The following AUTS2 variants were observed in gnomAD, a reference collection of about 807,000 sequenced individuals.
AUTS2 encodes activator of transcription and developmental regulator AUTS2, also known as autism susceptibility gene 2 protein.
In AUTS2, 17 loss-of-function variants were observed where a neutral mutation model predicts 112.4. The ratio of observed to expected loss-of-function variants is 0.15; its 90% CI spans 0.10 to 0.23. The LOEUF (loss-of-function observed/expected upper bound fraction) is 0.23, where lower values mean the gene tolerates loss of function less well. Among genes scored for constraint, AUTS2 ranks in the 10% least tolerant of loss-of-function variants. The pLI, the probability that AUTS2 is intolerant of heterozygous loss-of-function variation, is 1.00. For missense variants in AUTS2, 1,510 were observed against 1,701.6 expected, an observed-to-expected ratio of 0.89 and a Z score of 1.98; for synonymous variants, 751 against 702.7, an observed-to-expected ratio of 1.07 and a Z score of -1.09.
At chr7:70,145,923 A>G (rs913495156) in intron 4 of AUTS2, among the ~76,000 whole-genome samples, 2 of 152,130 alleles carry the variant, frequency 1.3e-5, no homozygotes, top group African/African-American at 2.4e-5. Context: ...ACACGTTTAG[A>G]GACTGCTTTT....
At chr7:70,015,704 A>G (rs939194770) in intron 2 of AUTS2, among the ~76,000 whole-genome samples, 8 of 152,152 alleles carry the variant, frequency 5.3e-5, no homozygotes, top group African/African-American at 1.9e-4. Context: ...AATTATCTGT[A>G]TCTCCTTTTA....
chr7:70,313,688 C>A (rs777466591), intron 4 of AUTS2, among the ~76,000 whole-genome samples: 54 of 152,182 alleles, frequency 3.5e-4, no homozygotes, highest in Admixed American at 9.2e-4. Flanking sequence ...CCATCAGCCA[C>A]GGACCCGCCG....
chr7:69,858,453 C>T (rs1792832691), intron 1 of AUTS2, among the ~76,000 whole-genome samples: 1 of 152,174 alleles, frequency 6.6e-6, no homozygotes, highest in African/African-American at 2.4e-5. Context: ...TGGTCCTCCT[C>T]TATTGTAAAG....
chr7:69,765,874 G>A (rs1404424580), intron 1 of AUTS2, among the ~76,000 whole-genome samples: 1 of 152,164 alleles, frequency 6.6e-6, no homozygotes, highest in African/African-American at 2.4e-5. Flanking sequence ...TTGAGCCCAG[G>A]AGGACAAGGC....
At chr7:69,986,564 A>G (rs1168650943) in intron 2 of AUTS2, among the ~76,000 whole-genome samples, 3 of 152,216 alleles carry the variant, frequency 2.0e-5, no homozygotes, top group East Asian at 1.9e-4. Context: ...GCCAAAGGCC[A>G]CTGTAAACTT....
At chr7:70,118,471 A>G in intron 3 of AUTS2, 1 of 421,160 alleles carries the variant, frequency 2.4e-6, no homozygotes, top group Non-Finnish European at 4.0e-6. Flanking sequence ...GGTAGGAGGA[A>G]CTATTTGTTA....
chr7:70,276,651 T>A (rs1396474457), intron 4 of AUTS2, among the ~76,000 whole-genome samples: 1 of 152,190 alleles, frequency 6.6e-6, no homozygotes, highest in African/African-American at 2.4e-5. Flanking sequence ...GGTGCTGGGA[T>A]TACAGGTGTG....
intron 5 of AUTS2, among the ~76,000 whole-genome samples, chr7:70,636,059 T>C (rs1805518737): frequency 6.6e-6 from 1 of 152,202 alleles, no homozygotes; most frequent in Non-Finnish European, 1.5e-5. Context: ...TTTGGCCAAG[T>C]AGATGTGGGC....
rs1202548716 is a variant in AUTS2 at position 70,681,142 on chromosome 7, A to C, written c.691-17427A>C. 7.8e-4 allele frequency among the ~76,000 whole-genome samples: 118 copies of C among 152,144 alleles called. 3 individuals carry two copies. The highest frequency in any genetic ancestry group is 4.4e-5 in the Non-Finnish European group (3 of 68,022). On this transcript the variant is annotated intron_variant, in intron 5 of 18. Coordinates refer to ENST00000342771, the MANE Select transcript of AUTS2 (RefSeq NM_015570.4). ...TGTTCCAGGGAGGGCAGCCCACCAC[A>C]CTTGGCCAGCACAGGCCCATCCCAT...
At chr7:70,070,121 C>T (rs1012784963) in intron 2 of AUTS2, among the ~76,000 whole-genome samples, 10 of 151,958 alleles carry the variant, frequency 6.6e-5, no homozygotes, top group African/African-American at 1.2e-4. Flanking sequence ...AGTTAGGTTT[C>T]GTTTCATGTT....
chr7:69,932,169 A>C (rs533153859), intron 2 of AUTS2, among the ~76,000 whole-genome samples: 1 of 152,300 alleles, frequency 6.6e-6, no homozygotes, highest in East Asian at 1.9e-4. Flanking sequence ...GGATTCATCC[A>C]GTTCTATAAA....
intron 4 of AUTS2, among the ~76,000 whole-genome samples, chr7:70,307,759 C>A (rs946448452): frequency 9.2e-5 from 14 of 152,120 alleles, no homozygotes; most frequent in Non-Finnish European, 7.4e-5. Context: ...TCACTAAAAG[C>A]AATTTCAGAT....
chr7:70,256,476 A>C (rs1368469600), intron 4 of AUTS2, among the ~76,000 whole-genome samples: 1 of 152,160 alleles, frequency 6.6e-6, no homozygotes, highest in Admixed American at 6.5e-5. Flanking sequence ...CATAGTTACA[A>C]ATGGCTTCCA....
chr7:69,851,755 A>G (rs1233434466), intron 1 of AUTS2, among the ~76,000 whole-genome samples: 1 of 152,172 alleles, frequency 6.6e-6, no homozygotes, highest in African/African-American at 2.4e-5. Flanking sequence ...GAGACATTAT[A>G]CATAACATTG....
Position 70,235,302 on chromosome 7 carries a change from T to TA in AUTS2, c.660+100744dup, listed in dbSNP as rs879516535. 1.0e-3 allele frequency among the ~76,000 whole-genome samples: 149 copies of TA among 143,232 alleles called. 2 individuals carry two copies. The highest frequency in any genetic ancestry group is 9.8e-3 in the South Asian group (44 of 4,484). The allele number at this position is 143,232 out of a possible 152,430, so 94.0% of individuals were successfully genotyped here. A position where few individuals can be genotyped will look rare whatever the true frequency, so the allele number is the denominator to read the frequency against. ...TCACATGCTACCACCCATGGCTAAT[T>TA]AAAAAAAAAAAAATGTGTGGAGACA... On this transcript the variant is annotated intron_variant, in intron 4 of 18. Coordinates refer to ENST00000342771, the MANE Select transcript of AUTS2 (RefSeq NM_015570.4).
rs563907868 is a variant in AUTS2, at chr7:70,221,748, G to C, written c.660+87177G>C. Among the ~76,000 whole-genome samples, 3 of 152,296 alleles carry C rather than the reference G, an allele frequency of 2.0e-5. No homozygotes were observed. In the South Asian group the frequency reaches 6.2e-4, roughly 32 times the overall value. On this transcript the variant is annotated intron_variant, in intron 4 of 18. Transcript: ENST00000342771. ...CTAAAAATATAAAAATTAGCCGAGC[G>C]TGGTGGTGGGCATCTGTAATCCCAG...
intron 2 of AUTS2, among the ~76,000 whole-genome samples, chr7:69,928,390 C>T (rs1796104643): frequency 6.6e-6 from 1 of 152,182 alleles, no homozygotes; most frequent in Non-Finnish European, 1.5e-5. Flanking sequence ...CGGACCCACC[C>T]TTTCCTGCCT....
At chr7:70,646,570 G>A (rs1299460125) in intron 5 of AUTS2, among the ~76,000 whole-genome samples, 3 of 152,230 alleles carry the variant, frequency 2.0e-5, no homozygotes, top group South Asian at 2.1e-4. Context: ...CCGCTGGAGG[G>A]GAGCCCACCG....
intron 5 of AUTS2, among the ~76,000 whole-genome samples, chr7:70,684,258 T>G (rs1378458743): frequency 6.6e-6 from 1 of 152,172 alleles, no homozygotes; most frequent in African/African-American, 2.4e-5. Flanking sequence ...GCAAAGCCTT[T>G]GAGTAGAAGG....
Sources: allele counts gnomAD v4.1 joint callset (sites outside exome capture counted in the v4.1 genomes callset), GRCh38; gene constraint gnomAD v4.1.1; transcripts MANE v1.5; gene names NCBI Gene and HGNC (gene_info 2026-07-23, HGNC 2026-07-21).